The following CHAF1B variants were observed in gnomAD, a reference collection of about 807,000 sequenced individuals.
CHAF1B encodes the protein chromatin assembly factor 1 subunit B.
CHAF1B carries 10 observed loss-of-function variants against 60.7 expected under a neutral mutation model. The observed-to-expected ratio is 0.16, with a 90% CI of 0.10 to 0.28. CHAF1B has a LOEUF of 0.28. Ranked by LOEUF, CHAF1B falls within the 10% of genes least tolerant of loss-of-function variation. CHAF1B has a pLI of 1.00. For missense variants in CHAF1B, 558 were observed against 708.4 expected (o/e 0.79, Z 2.41); for synonymous variants, 261 against 266.1 (o/e 0.98, Z 0.19).
chr21:36,394,720 C>T, intron 5 of CHAF1B, 70 bp downstream of exon 5: 1 of 927,948 alleles, frequency 1.1e-6, no homozygotes, highest in Non-Finnish European at 1.6e-6. Context: ...AAAAGTCTAA[C>T]TTGCTTTAAC....
chr21:36,390,933 GGC>G (rs1217808681), intron 3 of CHAF1B, among the ~76,000 whole-genome samples: 3 of 152,248 alleles, frequency 2.0e-5, no homozygotes, highest in African/African-American at 7.2e-5. Flanking sequence ...TGGCATTACA[GGC>G]GTGAGCCACC....
chr21:36,387,231 T>TTG lies in CHAF1B; in HGVS notation c.127-366_127-365insGT, dbSNP rs1287007357. On this transcript the variant is annotated intron_variant, in intron 2 of 13. Coordinates refer to ENST00000314103, the MANE Select transcript of CHAF1B (RefSeq NM_005441.3). ...GAAAATAAGCATAGTTTTGTTTTTT[T>TTG]TTTTTTTTTGAGACAGGGTCTTACT... 9.3e-5 allele frequency among the ~76,000 whole-genome samples: 14 copies of TTG among 151,236 alleles called. No homozygotes were observed. The East Asian group carries it at 2.7e-3, about 29-fold the overall frequency.
intron 5 of CHAF1B, among the ~76,000 whole-genome samples, chr21:36,396,664 GA>G (rs752832667): frequency 4.2e-4 from 57 of 136,408 alleles, no homozygotes; most frequent in African/African-American, 1.1e-3. Flanking sequence ...AAAAAAAAAA[GA>G]AAAAAAAAAA....
At chr21:36,405,198 A>G (rs2086228280) in intron 8 of CHAF1B, among the ~76,000 whole-genome samples, 2 of 152,240 alleles carry the variant, frequency 1.3e-5, no homozygotes, top group South Asian at 2.1e-4. Flanking sequence ...CAAAGATTGG[A>G]AAAGAACAGA....
Position 36,413,233 on chromosome 21 carries a change from C to T in CHAF1B, c.1411C>T (p.Pro471Ser). 1 of 1,611,820 alleles carries T rather than the reference C, an allele frequency of 6.2e-7. No homozygotes were observed. Among genetic ancestry groups the T allele is most frequent in the East Asian group, 2.2e-5 (1 of 44,876 alleles). ...GCCTTCGGAGGAGAAGACCCTGCAGCCCAGTAGTCAAAACACAAAAGCCCA... is the reference window on the plus strand; with the variant it reads ...GCCTTCGGAGGAGAAGACCCTGCAGTCCAGTAGTCAAAACACAAAAGCCCA... ...PGPSEEKTLQPSSQNTKAHPS... is the reference protein window; with the variant it reads ...PGPSEEKTLQSSSQNTKAHPS... Residue 471 changes from proline to serine, a missense_variant, in exon 12 of 14, where the codon CCC becomes TCC. Pro to Ser is a moderately conservative substitution (Grantham distance 74, BLOSUM62 -1). Coordinates refer to ENST00000314103, the MANE Select transcript of CHAF1B (RefSeq NM_005441.3).
At chr21:36,405,351 G>A (rs1457097532) in intron 8 of CHAF1B, among the ~76,000 whole-genome samples, 4 of 152,114 alleles carry the variant, frequency 2.6e-5, no homozygotes, top group African/African-American at 9.7e-5. Context: ...TTGGCAGTGA[G>A]TACTTAGAAA....
At chr21:36,387,814 G>C in intron 3 of CHAF1B, 84 bp downstream of exon 3, 1 of 1,391,150 alleles carries the variant, frequency 7.2e-7, no homozygotes. Context: ...ATTTGAGCTG[G>C]ATATGCTTTT....
At chr21:36,387,805 T>A (rs2086046755) in intron 3 of CHAF1B, 75 bp downstream of exon 3, 1 of 1,532,840 alleles carries the variant, frequency 6.5e-7, no homozygotes, top group South Asian at 1.2e-5. Context: ...GATAGTGAGA[T>A]TTGAGCTGGA....
chr21:36,390,121 G>A (rs904906377), intron 3 of CHAF1B, among the ~76,000 whole-genome samples: 1 of 151,970 alleles, frequency 6.6e-6, no homozygotes, highest in Non-Finnish European at 1.5e-5. Flanking sequence ...ATCACCTGAG[G>A]TCAGGGGTTC....
chr21:36,404,316 G>T (rs1330888385), intron 8 of CHAF1B, among the ~76,000 whole-genome samples: 1 of 150,522 alleles, frequency 6.6e-6, no homozygotes, highest in Non-Finnish European at 1.5e-5. Context: ...GGTCAGGCTG[G>T]TCTCAAACTC....
intron 2 of CHAF1B, among the ~76,000 whole-genome samples, chr21:36,386,601 G>A (rs1213203836): frequency 1.3e-5 from 2 of 152,178 alleles, no homozygotes; most frequent in African/African-American, 4.8e-5. Context: ...CTTCTCTTAA[G>A]TAAATGAATG....
At chr21:36,400,047 C>T (rs1601562433) in intron 7 of CHAF1B, among the ~76,000 whole-genome samples, 1 of 152,122 alleles carries the variant, frequency 6.6e-6, no homozygotes, top group South Asian at 2.1e-4. Context: ...TGTGGTGGTG[C>T]ATGCCTGTAA....
intron 2 of CHAF1B, among the ~76,000 whole-genome samples, 168 bp downstream of exon 2, chr21:36,386,430 C>T (rs903153019): frequency 3.9e-5 from 6 of 152,126 alleles, no homozygotes; most frequent in African/African-American, 1.4e-4. Context: ...CGACACCAGC[C>T]TGGGCAACAG....
intron 7 of CHAF1B, 140 bp from the exon 8 acceptor site, chr21:36,402,618 C>G (rs1264349453): frequency 3.1e-6 from 2 of 655,722 alleles, no homozygotes; most frequent in Admixed American, 2.5e-5. Flanking sequence ...CAATAAATGA[C>G]ACTATGTAAA....
intron 4 of CHAF1B, among the ~76,000 whole-genome samples, chr21:36,394,330 C>T (rs181858456): frequency 6.6e-6 from 1 of 152,252 alleles, no homozygotes; most frequent in Admixed American, 6.5e-5. Context: ...CTGCCTCGGC[C>T]TCCCAAAGTG....
chr21:36,387,619 C>A lies in CHAF1B; in HGVS notation c.148C>A (p.Pro50Thr). The part of the protein sequence containing the change: ...NVRIWKVEKG[P>T]DGKAIVEFLS... Reference sequence around the variant, plus strand: ...ACAGATCTGGAAGGTAGAAAAGGGACCAGATGGAAAAGCCATCGTGGAATT... The same window carrying A: ...ACAGATCTGGAAGGTAGAAAAGGGAACAGATGGAAAAGCCATCGTGGAATT... Residue 50 changes from proline to threonine, a missense_variant, in exon 3 of 14, where the codon CCA becomes ACA. Coordinates refer to ENST00000314103, the MANE Select transcript of CHAF1B (RefSeq NM_005441.3). 2 of 1,614,100 alleles carry A rather than the reference C, an allele frequency of 1.2e-6. No individual in the cohort carries two copies. The highest frequency in any genetic ancestry group is 8.5e-7 in the Non-Finnish European group (1 of 1,180,012).
chr21:36,400,080 G>C (rs987500162), intron 7 of CHAF1B, among the ~76,000 whole-genome samples: 2 of 152,190 alleles, frequency 1.3e-5, no homozygotes, highest in African/African-American at 4.8e-5. Flanking sequence ...GGGAGGCTGA[G>C]GCATGAGAAT....
At chr21:36,390,076 G>T (rs1336582467) in intron 3 of CHAF1B, among the ~76,000 whole-genome samples, 1 of 152,102 alleles carries the variant, frequency 6.6e-6, no homozygotes, top group Admixed American at 6.5e-5. Context: ...GCTCACGCCT[G>T]TAATCCCAGC....
At chr21:36,415,440 C>CA in intron 13 of CHAF1B, 51 bp downstream of exon 13, 1 of 1,200,824 alleles carries the variant, frequency 8.3e-7, no homozygotes, top group Non-Finnish European at 1.2e-6. Context: ...AGTATCTTTT[C>CA]TTTTGTTCTT....
Sources: allele counts gnomAD v4.1 joint callset (sites outside exome capture counted in the v4.1 genomes callset), GRCh38; gene constraint gnomAD v4.1.1; transcripts MANE v1.5; gene names NCBI Gene and HGNC (gene_info 2026-07-23, HGNC 2026-07-21).